The following CCDC85A variants were observed in gnomAD, a reference collection of about 807,000 sequenced individuals.
CCDC85A encodes coiled-coil domain-containing protein 85A.
Under a neutral mutation model 50.2 loss-of-function variants are expected in CCDC85A, and 38 were observed. The ratio of observed to expected loss-of-function variants is 0.76; its 90% CI spans 0.58 to 0.99. The LOEUF is 0.99. Ranked by LOEUF, CCDC85A falls within the 50% of genes least tolerant of loss-of-function variation. The pLI is 0.00. For synonymous variants in CCDC85A, 366 were observed against 301.4 expected (o/e 1.21, Z -2.22); for missense variants, 820 against 742.0 (o/e 1.11, Z -1.22).
chr2:56,206,779 C>T (rs1385510801), intron 2 of CCDC85A, among the ~76,000 whole-genome samples: 1 of 152,168 alleles, frequency 6.6e-6, no homozygotes, highest in Non-Finnish European at 1.5e-5. Flanking sequence ...AGAGGTTTTA[C>T]AATGATCAGT....
chr2:56,355,147 T>TC (rs1050682878), intron 3 of CCDC85A, among the ~76,000 whole-genome samples: 5 of 151,934 alleles, frequency 3.3e-5, no homozygotes, highest in African/African-American at 1.2e-4. Flanking sequence ...GTCTGGCCAT[T>TC]CCCCACGGCT....
At chr2:56,359,923 G>C (rs994892174) in intron 3 of CCDC85A, among the ~76,000 whole-genome samples, 15 of 152,150 alleles carry the variant, frequency 9.9e-5, no homozygotes, top group African/African-American at 3.4e-4. Context: ...CTTTCGGAAG[G>C]ACAGAGGAGA....
intron 3 of CCDC85A, among the ~76,000 whole-genome samples, chr2:56,357,406 G>C (rs1675287332): frequency 6.6e-6 from 1 of 152,198 alleles, no homozygotes; most frequent in Non-Finnish European, 1.5e-5. Flanking sequence ...TGTGGCTACA[G>C]TTGATGCCAT....
At chr2:56,207,866 A>G (rs1182738773) in intron 2 of CCDC85A, among the ~76,000 whole-genome samples, 1 of 152,196 alleles carries the variant, frequency 6.6e-6, no homozygotes, top group African/African-American at 2.4e-5. Context: ...TTACTAAGAA[A>G]CATAATATTT....
At chr2:56,258,511 T>C (rs1407887165) in intron 2 of CCDC85A, among the ~76,000 whole-genome samples, 1 of 152,184 alleles carries the variant, frequency 6.6e-6, no homozygotes, top group Non-Finnish European at 1.5e-5. Context: ...CACAGAGAGT[T>C]ATGGAGAGAG....
intron 2 of CCDC85A, among the ~76,000 whole-genome samples, chr2:56,222,235 C>T (rs558058641): frequency 6.6e-6 from 1 of 152,182 alleles, no homozygotes; most frequent in South Asian, 2.1e-4. Flanking sequence ...GTGAGTATTA[C>T]AGTGTAGACA....
chr2:56,284,348 A>G (rs1044592255), intron 2 of CCDC85A, among the ~76,000 whole-genome samples: 1 of 152,144 alleles, frequency 6.6e-6, no homozygotes, highest in Non-Finnish European at 1.5e-5. Context: ...ATGTTCTTCA[A>G]GTCATATTGA....
chr2:56,260,329 A>T (rs557224399), intron 2 of CCDC85A, among the ~76,000 whole-genome samples: 16 of 152,294 alleles, frequency 1.1e-4, no homozygotes, highest in African/African-American at 3.8e-4. Context: ...AACTGGAGTG[A>T]GGGTGGGAGT....
chr2:56,187,582 G>A (rs187043623), intron 1 of CCDC85A, among the ~76,000 whole-genome samples: 1 of 152,242 alleles, frequency 6.6e-6, no homozygotes, highest in Non-Finnish European at 1.5e-5. Flanking sequence ...CTGCTCATGG[G>A]GATTTTAATT....
intron 1 of CCDC85A, among the ~76,000 whole-genome samples, chr2:56,189,220 T>G (rs140674558): frequency 0.01 from 1,532 of 152,024 alleles, 18 homozygotes; most frequent in Middle Eastern, 0.028. Flanking sequence ...GAGGGTCTTA[T>G]TCATTTTCCC....
At chr2:56,287,874 CTA>C (rs1425074713) in intron 2 of CCDC85A, among the ~76,000 whole-genome samples, 1 of 152,140 alleles carries the variant, frequency 6.6e-6, no homozygotes, top group Non-Finnish European at 1.5e-5. Flanking sequence ...AATTTTTCTC[CTA>C]TTTAGAGCAG....
intron 2 of CCDC85A, among the ~76,000 whole-genome samples, chr2:56,325,243 A>G (rs149049152): frequency 1.3e-5 from 2 of 152,226 alleles, no homozygotes; most frequent in African/African-American, 4.8e-5. Context: ...CATTATATGT[A>G]TAATTATAGG....
intron 1 of CCDC85A, among the ~76,000 whole-genome samples, chr2:56,186,673 A>G (rs1011410966): frequency 6.6e-6 from 1 of 152,216 alleles, no homozygotes; most frequent in Non-Finnish European, 1.5e-5. Flanking sequence ...GAGCATCAAA[A>G]TAATAGCTCA....
intron 2 of CCDC85A, among the ~76,000 whole-genome samples, chr2:56,300,029 G>A (rs1458516591): frequency 6.6e-6 from 1 of 152,126 alleles, no homozygotes; most frequent in Non-Finnish European, 1.5e-5. Flanking sequence ...TGACAAAACG[G>A]TGTATGCTAG....
chr2:56,307,845 A>G (rs1015319592), intron 2 of CCDC85A, among the ~76,000 whole-genome samples: 1 of 152,240 alleles, frequency 6.6e-6, no homozygotes, highest in African/African-American at 2.4e-5. Context: ...GATGTAACTC[A>G]TAGATAGGAC....
chr2:56,330,308 A>G (rs930796013), intron 2 of CCDC85A, among the ~76,000 whole-genome samples: 3 of 152,146 alleles, frequency 2.0e-5, no homozygotes, highest in African/African-American at 7.2e-5. Flanking sequence ...TGTGGGGCTG[A>G]TGCTTTCAAA....
At chr2:56,326,959 C>T (rs1306005752) in intron 2 of CCDC85A, among the ~76,000 whole-genome samples, 1 of 152,004 alleles carries the variant, frequency 6.6e-6, no homozygotes, top group Non-Finnish European at 1.5e-5. Context: ...TGTAAACAAG[C>T]CTCAGCTAAG....
intron 3 of CCDC85A, among the ~76,000 whole-genome samples, chr2:56,362,933 T>A (rs1315603100): frequency 1.3e-5 from 2 of 152,090 alleles, no homozygotes; most frequent in Non-Finnish European, 2.9e-5. Context: ...CCATTTAGCT[T>A]TTTTAGTCTC....
chr2:56,258,846 A>C (rs1012704469), intron 2 of CCDC85A, among the ~76,000 whole-genome samples: 1 of 152,212 alleles, frequency 6.6e-6, no homozygotes, highest in Non-Finnish European at 1.5e-5. Context: ...GGAAATATGG[A>C]GGACTTCCAG....
Sources: gnomAD v4.1 joint callset for allele counts (sites outside exome capture counted in the v4.1 genomes callset) on GRCh38, gnomAD v4.1.1 for gene constraint, MANE v1.5 for transcripts, NCBI Gene and HGNC (gene_info 2026-07-23, HGNC 2026-07-21) for gene names.